DCC: variants seen among roughly 807,000 people sequenced by gnomAD.
DCC encodes the protein netrin receptor DCC.
A neutral mutation model predicts 172.5 loss-of-function variants in DCC; 58 were observed. The ratio of observed to expected loss-of-function variants is 0.34; its 90% CI spans 0.27 to 0.42. The LOEUF (loss-of-function observed/expected upper bound fraction) is 0.42. Ranked by LOEUF, DCC falls within the 10% of genes least tolerant of loss-of-function variation. DCC has a pLI of 1.00. For missense variants in DCC, 1,740 were observed against 1,791.0 expected, an observed-to-expected ratio of 0.97 and a Z score of 0.51; for synonymous variants, 709 against 644.5, an observed-to-expected ratio of 1.10 and a Z score of -1.52.
chr18:53,006,291 G>T (rs187025420), intron 5 of DCC, among the ~76,000 whole-genome samples: 100 of 152,228 alleles, frequency 6.6e-4, no homozygotes, highest in African/African-American at 2.2e-3. Context: ...CATCCAGTCA[G>T]GTGTCTCCTA....
intron 2 of DCC, among the ~76,000 whole-genome samples, chr18:52,777,719 G>T (rs1021230956): frequency 4.0e-5 from 6 of 151,848 alleles, no homozygotes; most frequent in African/African-American, 1.5e-4. Flanking sequence ...GACCTAAAGA[G>T]TATCTAGTCC....
In DCC at chr18:53,179,225, T is replaced by A. The variant is rs1461630923; in HGVS notation, c.1573+109T>A. On this transcript the variant is annotated intron_variant, in intron 9 of 28. Coordinates refer to ENST00000442544, the MANE Select transcript of DCC (RefSeq NM_005215.4). Reference sequence around the variant, plus strand: ...CGAAGTGACAAAAGCGAAGAAGAGTTTTTTTTCTTCTAAGTAAACTTATAT... The same window carrying A: ...CGAAGTGACAAAAGCGAAGAAGAGTATTTTTTCTTCTAAGTAAACTTATAT... The A allele has an allele frequency of 1.1e-5, 12 of 1,114,006 alleles. No individual in the cohort carries two copies. In the Middle Eastern group the frequency reaches 1.4e-3, roughly 130 times the overall value. The allele number at this position is 1,114,006 out of a possible 1,614,324, so 69.0% of individuals were successfully genotyped here. A position where few individuals can be genotyped will look rare whatever the true frequency, so the allele number is the denominator to read the frequency against.
At chr18:53,004,816 A>G (rs1051870983) in intron 5 of DCC, among the ~76,000 whole-genome samples, 1 of 152,168 alleles carries the variant, frequency 6.6e-6, no homozygotes, top group Non-Finnish European at 1.5e-5. Context: ...AAATGAGAAG[A>G]AACACACTTT....
intron 5 of DCC, among the ~76,000 whole-genome samples, chr18:52,981,396 C>T (rs2041206221): frequency 6.6e-6 from 1 of 152,022 alleles, no homozygotes; most frequent in Admixed American, 6.6e-5. Context: ...GTTCCTGCAT[C>T]CTCCTCTCAA....
chr18:53,078,861 C>T (rs1206516162), intron 7 of DCC, among the ~76,000 whole-genome samples: 3 of 152,074 alleles, frequency 2.0e-5, no homozygotes, highest in African/African-American at 4.8e-5. Flanking sequence ...ATGCCCCATC[C>T]TCAAATTAAA....
At chr18:53,305,228 G>A (rs118182283) in intron 12 of DCC, among the ~76,000 whole-genome samples, 10 of 152,080 alleles carry the variant, frequency 6.6e-5, no homozygotes, top group Non-Finnish European at 2.9e-5. Context: ...AGCTCCCTCC[G>A]ATTTGCACCT....
Position 53,179,055 on chromosome 18 carries a change from T to C in DCC, c.1512T>C (p.Ala504=). ...CCATGTACACCTTTCGAGTTGTGGC[T>C]TACAATGAATGGGGACCGGGAGAGA... ...PEAMYTFRVV[A]YNEWGPGESS... The change falls in exon 9 of 29, where the codon GCT becomes GCC. Residue 504 remains alanine, a synonymous_variant. Coordinates refer to ENST00000442544, the MANE Select transcript of DCC (RefSeq NM_005215.4). The C allele has an allele frequency of 1.9e-6, 3 of 1,614,030 alleles. No homozygotes were observed. Among genetic ancestry groups the C allele is most frequent in the Non-Finnish European group, 2.5e-6 (3 of 1,179,944 alleles).
At chr18:53,119,786 C>T (rs778696066) in intron 7 of DCC, among the ~76,000 whole-genome samples, 12 of 151,726 alleles carry the variant, frequency 7.9e-5, no homozygotes, top group South Asian at 2.1e-4. Context: ...GTTGCATCAC[C>T]GCTGTTGGTG....
chr18:52,477,758 G>C (rs1413391056), intron 1 of DCC, among the ~76,000 whole-genome samples: 1 of 152,148 alleles, frequency 6.6e-6, no homozygotes, highest in Non-Finnish European at 1.5e-5. Context: ...GAACTCTCCA[G>C]CTCTTGTGAG....
At chr18:53,049,523 A>G (rs906103831) in intron 5 of DCC, among the ~76,000 whole-genome samples, 4 of 151,886 alleles carry the variant, frequency 2.6e-5, no homozygotes, top group African/African-American at 9.7e-5. Context: ...TGGGCTCTCT[A>G]TTCTATTTTA....
intron 19 of DCC, among the ~76,000 whole-genome samples, chr18:53,409,824 G>C (rs960365517): frequency 6.6e-5 from 10 of 152,088 alleles, no homozygotes; most frequent in Admixed American, 3.3e-4. Flanking sequence ...AGCTAGACTG[G>C]ACTGGGAGAA....
intron 22 of DCC, among the ~76,000 whole-genome samples, chr18:53,442,903 C>A (rs1912360227): frequency 6.6e-6 from 1 of 152,198 alleles, no homozygotes; most frequent in South Asian, 2.1e-4. Flanking sequence ...GGCCCTAAGT[C>A]TCTTCAATTC....
Position 52,752,154 on chromosome 18 carries a change from G to A in DCC, c.192G>A (p.Glu64=). The part of the protein sequence containing the change: ...GGNVLLDCSA[E]SDRGVPVIKW... ...ATGTCCTCCTCGACTGCTCCGCGGA[G>A]TCCGACCGAGGAGTTCCAGTGATCA... Residue 64 remains glutamate (E), a synonymous_variant, in exon 2 of 29, where the codon GAG becomes GAA. Coordinates refer to ENST00000442544, the MANE Select transcript of DCC (RefSeq NM_005215.4). 1 of 1,614,146 alleles carries A rather than the reference G, an allele frequency of 6.2e-7. No homozygotes were observed. The highest frequency in any genetic ancestry group is 8.5e-7 in the Non-Finnish European group (1 of 1,180,018).
At chr18:53,469,270 A>G (rs907575390) in intron 25 of DCC, among the ~76,000 whole-genome samples, 3 of 152,276 alleles carry the variant, frequency 2.0e-5, no homozygotes, top group South Asian at 2.1e-4. Flanking sequence ...CAGCTCCCCA[A>G]TTCTTACCCC....
intron 5 of DCC, among the ~76,000 whole-genome samples, chr18:52,993,966 T>C (rs1224209812): frequency 6.6e-6 from 1 of 152,124 alleles, no homozygotes; most frequent in Non-Finnish European, 1.5e-5. Context: ...GATCAGGCAT[T>C]GCACCATGAG....
intron 2 of DCC, among the ~76,000 whole-genome samples, chr18:52,813,004 T>C (rs2038229181): frequency 6.6e-6 from 1 of 152,162 alleles, no homozygotes; most frequent in Non-Finnish European, 1.5e-5. Flanking sequence ...ACTTAGTATT[T>C]ACAGAAAAAG....
intron 7 of DCC, among the ~76,000 whole-genome samples, chr18:53,122,069 C>T (rs911033717): frequency 5.9e-5 from 9 of 151,938 alleles, no homozygotes; most frequent in Non-Finnish European, 1.2e-4. Context: ...TCAATTATTT[C>T]TTCTCTAGTT....
chr18:52,494,808 T>C (rs1002404277), intron 1 of DCC, among the ~76,000 whole-genome samples: 1 of 152,244 alleles, frequency 6.6e-6, no homozygotes, highest in Admixed American at 6.6e-5. Context: ...TATTTGTGTT[T>C]GTGTTGTTTT....
intron 1 of DCC, among the ~76,000 whole-genome samples, chr18:52,689,269 T>C (rs939463093): frequency 2.0e-5 from 3 of 152,124 alleles, no homozygotes; most frequent in East Asian, 3.9e-4. Context: ...TAATTTGCTG[T>C]AGAAATTCAG....
Sources: allele counts gnomAD v4.1 joint callset (sites outside exome capture counted in the v4.1 genomes callset), GRCh38; gene constraint gnomAD v4.1.1; transcripts MANE v1.5; gene names NCBI Gene and HGNC (gene_info 2026-07-23, HGNC 2026-07-21).